Variants in CLASP1 observed in about 807,000 individuals in gnomAD.
CLASP1 encodes CLIP-associating protein 1.
A neutral mutation model predicts 192.3 loss-of-function variants in CLASP1; 38 were observed. The observed-to-expected ratio is 0.20, with a 90% confidence interval of 0.15 to 0.26. The LOEUF (loss-of-function observed/expected upper bound fraction) is 0.26. Ranked by LOEUF, CLASP1 falls within the 10% of genes least tolerant of loss-of-function variation. The probability of loss-of-function intolerance (pLI) is 1.00; values close to 1 mark genes in which losing one functional copy is unlikely to be tolerated. For missense variants in CLASP1, 1,433 were observed against 1,932.5 expected (o/e 0.74, Z 4.85); for synonymous variants, 691 against 712.8 (o/e 0.97, Z 0.49).
At chr2:121,593,792 C>T (rs1309744612) in intron 2 of CLASP1, among the ~76,000 whole-genome samples, 6 of 151,220 alleles carry the variant, frequency 4.0e-5, no homozygotes, top group African/African-American at 1.2e-4. Context: ...GGGTGGATCA[C>T]CTGAGGTTGG....
chr2:121,389,484 GAA>G (rs10640938), intron 30 of CLASP1, among the ~76,000 whole-genome samples: 1 of 139,700 alleles, frequency 7.2e-6, no homozygotes, highest in Admixed American at 7.2e-5. Context: ...TTAGGTGTTA[GAA>G]AAAAAAAAAA....
intron 1 of CLASP1, among the ~76,000 whole-genome samples, chr2:121,627,694 G>C (rs576982723): frequency 6.6e-6 from 1 of 152,314 alleles, no homozygotes; most frequent in South Asian, 2.1e-4. Flanking sequence ...TCTGACGGAC[G>C]AGGAAAACGT....
chr2:121,533,946 G>C (rs767716095), intron 2 of CLASP1, among the ~76,000 whole-genome samples: 4 of 152,148 alleles, frequency 2.6e-5, no homozygotes, highest in Admixed American at 2.6e-4. Flanking sequence ...ACCTTTAAAA[G>C]ACTCTTTTGT....
chr2:121,363,163 C>T lies in CLASP1; in HGVS notation c.4206+9G>A. The stretch of plus-strand genomic sequence containing the variant: ...CTGTTCAGCACCCCTGGCCACATGA[C>T]TGACTCACCTCCTTATGGGAGTCTT... On this transcript the variant is annotated intron_variant, in intron 37 of 39. Coordinates refer to ENST00000263710, the Ensembl canonical transcript of CLASP1. 6.2e-7 allele frequency: 1 copy of T among 1,613,962 alleles called. No individual in the cohort carries two copies. Among genetic ancestry groups the T allele is most frequent in the Admixed American group, 1.7e-5 (1 of 60,010 alleles).
chr2:121,572,783 C>G (rs2060101120), intron 2 of CLASP1, among the ~76,000 whole-genome samples: 1 of 151,962 alleles, frequency 6.6e-6, no homozygotes, highest in African/African-American at 2.4e-5. Context: ...TAACCCCAGA[C>G]TTCCATTGAT....
intron 1 of CLASP1, among the ~76,000 whole-genome samples, chr2:121,613,531 T>C (rs1489612438): frequency 2.6e-5 from 4 of 152,174 alleles, no homozygotes. Flanking sequence ...TTTTGGCCTC[T>C]GGTCTTGACT....
At chr2:121,578,852 CACA>C (rs891725330) in intron 2 of CLASP1, among the ~76,000 whole-genome samples, 4 of 151,766 alleles carry the variant, frequency 2.6e-5, no homozygotes, top group Non-Finnish European at 5.9e-5. Flanking sequence ...AACACACACA[CACA>C]AAAAAAAACT....
chr2:121,569,017 T>C (rs544842687), intron 2 of CLASP1, among the ~76,000 whole-genome samples: 5 of 152,196 alleles, frequency 3.3e-5, no homozygotes, highest in African/African-American at 1.2e-4. Flanking sequence ...TCCGGAGATA[T>C]AAATGTTCAA....
exon 19 of CLASP1, chr2:121,447,491 G>T: frequency 6.4e-7 from 1 of 1,553,344 alleles, no homozygotes; most frequent in South Asian, 1.2e-5. Flanking sequence ...ACACAGATTT[G>T]GTACTAACTG....
chr2:121,631,519 C>A (rs989423787), intron 1 of CLASP1, among the ~76,000 whole-genome samples: 7 of 151,938 alleles, frequency 4.6e-5, no homozygotes, highest in Non-Finnish European at 7.4e-5. Flanking sequence ...ATCTCTTGAC[C>A]TCGTGATCTG....
intron 33 of CLASP1, among the ~76,000 whole-genome samples, chr2:121,378,249 G>A (rs1399914576): frequency 6.6e-6 from 1 of 152,144 alleles, no homozygotes; most frequent in African/African-American, 2.4e-5. Flanking sequence ...TCTCACCCAT[G>A]AGCTTGCTAT....
intron 28 of CLASP1, among the ~76,000 whole-genome samples, chr2:121,399,744 T>A (rs1053639352): frequency 1.3e-5 from 2 of 152,228 alleles, no homozygotes; most frequent in Non-Finnish European, 2.9e-5. Flanking sequence ...GTCACAATTG[T>A]ATTCCTTAAT....
At chr2:121,626,134 T>G (rs533622372) in intron 1 of CLASP1, among the ~76,000 whole-genome samples, 25 of 151,222 alleles carry the variant, frequency 1.7e-4, no homozygotes, top group African/African-American at 4.6e-4. Context: ...ACATCTGATA[T>G]GTCATTTGAT....
At chr2:121,450,962 T>G in exon 16 of CLASP1, 1 of 1,610,326 alleles carries the variant, frequency 6.2e-7, no homozygotes, top group Non-Finnish European at 8.5e-7. Context: ...ATTCCCTTCT[T>G]TATTGTTTCA....
chr2:121,525,913 C>T, exon 6 of CLASP1: 2 of 1,612,588 alleles, frequency 1.2e-6, no homozygotes, highest in South Asian at 1.1e-5. Context: ...AAAGTCTGTG[C>T]TCCAGAGCTG....
intron 12 of CLASP1, 60 bp downstream of exon 12, chr2:121,459,920 C>G: frequency 6.7e-7 from 1 of 1,486,630 alleles, no homozygotes; most frequent in Non-Finnish European, 9.0e-7. Flanking sequence ...AAGGAGACAT[C>G]TCTGAAGCTC....
chr2:121,340,784 G>GA (rs2062689226), exon 40 of CLASP1: 1 of 1,099,426 alleles, frequency 9.1e-7, no homozygotes, highest in African/African-American at 1.6e-5. Flanking sequence ...CTGGGCAGCC[G>GA]ATGAAGGGGG....
chr2:121,415,923 C>G (rs1442687263), intron 23 of CLASP1, among the ~76,000 whole-genome samples: 1 of 151,536 alleles, frequency 6.6e-6, no homozygotes, highest in East Asian at 1.9e-4. Context: ...TACCAGCTTG[C>G]AAAAAAAGGA....
intron 36 of CLASP1, among the ~76,000 whole-genome samples, chr2:121,363,944 C>G (rs1272719614): frequency 6.6e-6 from 1 of 152,176 alleles, no homozygotes; most frequent in East Asian, 1.9e-4. Context: ...TTCTTTGCCA[C>G]TCATCTGTAC....
Sources: allele counts gnomAD v4.1 joint callset (sites outside exome capture counted in the v4.1 genomes callset), GRCh38; gene constraint gnomAD v4.1.1; transcripts MANE v1.5; gene names NCBI Gene and HGNC (gene_info 2026-07-23, HGNC 2026-07-21).